The following STK4 variants were observed in gnomAD, a reference collection of about 807,000 sequenced individuals.
STK4 encodes the protein serine/threonine kinase 4.
A neutral mutation model predicts 64.9 loss-of-function variants in STK4; 30 were observed. The ratio of observed to expected loss-of-function variants is 0.46; its 90% CI spans 0.35 to 0.63. STK4 has a LOEUF of 0.63. STK4 is among the 20% of genes least tolerant of loss of function. STK4 has a pLI of 0.01. For synonymous variants in STK4, 177 were observed against 199.0 expected (o/e 0.89, Z 0.93); for missense variants, 466 against 598.5 (o/e 0.78, Z 2.31).
intron 9 of STK4, among the ~76,000 whole-genome samples, chr20:45,010,190 T>C (rs114849245): frequency 0.025 from 3,811 of 152,202 alleles, 139 homozygotes; most frequent in African/African-American, 0.082. Flanking sequence ...TGTCTCAGCC[T>C]CCTGAGATTG....
chr20:44,981,986 T>C (rs1356410774), intron 4 of STK4, 43 bp downstream of exon 4: 17 of 1,353,736 alleles, frequency 1.3e-5, no homozygotes, highest in Non-Finnish European at 1.7e-5. Flanking sequence ...TAGTTTCTTA[T>C]GCCATCTTCT....
intron 6 of STK4, 27 bp from the exon 7 acceptor site, chr20:44,997,142 T>TTTTG (rs755804396): frequency 3.1e-6 from 5 of 1,611,924 alleles, no homozygotes; most frequent in Admixed American, 1.7e-5. Flanking sequence ...TACCAGATCT[T>TTTTG]TTTGTTTGTT....
chr20:44,994,770 G>A (rs1011700045), intron 5 of STK4, among the ~76,000 whole-genome samples: 1 of 151,710 alleles, frequency 6.6e-6, no homozygotes, highest in African/African-American at 2.4e-5. Flanking sequence ...ATTTTATTTC[G>A]GTGCCTGATT....
intron 9 of STK4, among the ~76,000 whole-genome samples, chr20:45,021,484 T>C (rs2068246335): frequency 6.6e-6 from 1 of 152,262 alleles, no homozygotes; most frequent in African/African-American, 2.4e-5. Context: ...GCATTTATTT[T>C]CTGGAATCAC....
At chr20:44,988,824 T>C (rs1425446384) in intron 5 of STK4, among the ~76,000 whole-genome samples, 1 of 151,940 alleles carries the variant, frequency 6.6e-6, no homozygotes, top group African/African-American at 2.4e-5. Flanking sequence ...CAACCACTAA[T>C]CTACTTTCTG....
At chr20:45,018,100 C>T (rs535284142) in intron 9 of STK4, among the ~76,000 whole-genome samples, 12 of 152,182 alleles carry the variant, frequency 7.9e-5, no homozygotes, top group Non-Finnish European at 1.6e-4. Flanking sequence ...CCCAAAACCA[C>T]ACACTCATAA....
chr20:45,015,415 T>C (rs575486658), intron 9 of STK4, among the ~76,000 whole-genome samples: 72 of 152,360 alleles, frequency 4.7e-4, no homozygotes, highest in African/African-American at 1.7e-3. Flanking sequence ...GTACTGCAAG[T>C]ATTTTAACAC....
chr20:44,972,203 T>C, intron 2 of STK4, 45 bp downstream of exon 2: 1 of 1,536,912 alleles, frequency 6.5e-7, no homozygotes, highest in Non-Finnish European at 9.0e-7. Context: ...TCCCAGTCTT[T>C]TTCCTGCCCC....
intron 10 of STK4, among the ~76,000 whole-genome samples, chr20:45,065,312 G>A (rs1255966024): frequency 1.3e-5 from 2 of 152,114 alleles, no homozygotes; most frequent in Non-Finnish European, 2.9e-5. Context: ...CTTGATAGTG[G>A]TGGATTAACC....
At chr20:45,020,577 T>C (rs2145370046) in intron 9 of STK4, among the ~76,000 whole-genome samples, 1 of 152,246 alleles carries the variant, frequency 6.6e-6, no homozygotes, top group East Asian at 1.9e-4. Flanking sequence ...TGGTTTAAAA[T>C]AGCCATTTTA....
Position 45,007,609 on chromosome 20 carries a change from G to A in STK4, c.1147+6256G>A, listed in dbSNP as rs117349139. ...GTCTATGCTCTCTTCATTCCACAGA[G>A]CTTCTGATTTGTTTTGGTTGCCTAT... On this transcript the variant is annotated intron_variant, in intron 9 of 10. Coordinates refer to ENST00000372806, the MANE Select transcript of STK4 (RefSeq NM_006282.5). 2.9e-3 allele frequency among the ~76,000 whole-genome samples: 442 copies of A among 152,164 alleles called. 3 individuals carry two copies. In the East Asian group the frequency reaches 0.035, roughly 12 times the overall value.
At chr20:44,978,035 T>C (rs1219913667) in intron 2 of STK4, among the ~76,000 whole-genome samples, 1 of 152,220 alleles carries the variant, frequency 6.6e-6, no homozygotes, top group Non-Finnish European at 1.5e-5. Context: ...AATCCTGGAC[T>C]GATAACTTAT....
chr20:45,005,181 T>C (rs1279232796), intron 9 of STK4, among the ~76,000 whole-genome samples: 1 of 152,182 alleles, frequency 6.6e-6, no homozygotes, highest in Non-Finnish European at 1.5e-5. Flanking sequence ...AGTGTATGCA[T>C]AAGTATATGC....
intron 9 of STK4, among the ~76,000 whole-genome samples, chr20:45,020,753 G>A (rs1012786163): frequency 5.3e-5 from 8 of 151,782 alleles, no homozygotes; most frequent in South Asian, 4.2e-4. Flanking sequence ...GCCTCTCCAC[G>A]TAGTATTTCA....
At chr20:44,995,547 A>G (rs768490269) in intron 6 of STK4, among the ~76,000 whole-genome samples, 21 of 136,776 alleles carry the variant, frequency 1.5e-4, no homozygotes, top group Non-Finnish European at 3.2e-4. Context: ...CAGAGGTTGC[A>G]GTGAGCTGAG....
intron 9 of STK4, among the ~76,000 whole-genome samples, chr20:45,017,752 T>C (rs2068168833): frequency 6.6e-6 from 1 of 152,224 alleles, no homozygotes; most frequent in South Asian, 2.1e-4. Context: ...TCTTTTTAGA[T>C]GTGCTGCCAC....
chr20:44,984,527 C>T (rs565006687), intron 4 of STK4, among the ~76,000 whole-genome samples: 15 of 152,084 alleles, frequency 9.9e-5, no homozygotes, highest in Non-Finnish European at 1.9e-4. Context: ...AATTACTACA[C>T]GTTATTTTGC....
intron 5 of STK4, among the ~76,000 whole-genome samples, chr20:44,991,717 C>G (rs1242662589): frequency 6.6e-6 from 1 of 151,880 alleles, no homozygotes; most frequent in African/African-American, 2.4e-5. Flanking sequence ...GCCTGGAGTG[C>G]AGTGGCACAA....
intron 7 of STK4, 129 bp from the exon 8 acceptor site, chr20:45,000,263 C>A: frequency 7.9e-7 from 1 of 1,259,402 alleles, no homozygotes; most frequent in Non-Finnish European, 1.1e-6. Context: ...TTGTCCGAAG[C>A]ACAAAGAGAA....
Sources: allele counts gnomAD v4.1 joint callset (sites outside exome capture counted in the v4.1 genomes callset), GRCh38; gene constraint gnomAD v4.1.1; transcripts MANE v1.5; gene names NCBI Gene and HGNC (gene_info 2026-07-23, HGNC 2026-07-21).